The following DNM2 variants were observed in gnomAD, a reference collection of about 807,000 sequenced individuals.
The protein encoded by DNM2 is dynamin-2.
A neutral mutation model predicts 99.0 loss-of-function variants in DNM2; 15 were observed. The ratio of observed to expected loss-of-function variants is 0.15; its 90% CI spans 0.10 to 0.23. The LOEUF (loss-of-function observed/expected upper bound fraction) is 0.23, where lower values mean the gene tolerates loss of function less well. Ranked by LOEUF, DNM2 falls within the 10% of genes least tolerant of loss-of-function variation. The probability of loss-of-function intolerance (pLI) is 1.00; values close to 1 mark genes in which losing one functional copy is unlikely to be tolerated. For synonymous variants in DNM2, 525 were observed against 481.2 expected (o/e 1.09, Z -1.19); for missense variants, 742 against 1,189.4 (o/e 0.62, Z 5.53).
intron 1 of DNM2, among the ~76,000 whole-genome samples, chr19:10,732,418 G>C (rs916095719): frequency 6.6e-6 from 1 of 151,260 alleles, no homozygotes; most frequent in African/African-American, 2.4e-5. Context: ...GACTAACACG[G>C]TGAAACCCCA....
At chr19:10,754,082 C>CT (rs2070299433) in intron 1 of DNM2, among the ~76,000 whole-genome samples, 2 of 152,104 alleles carry the variant, frequency 1.3e-5, no homozygotes, top group South Asian at 4.1e-4. Context: ...CTTTAAAATT[C>CT]TTTGAGATCT....
At chr19:10,822,466 C>G (rs1042802021) in intron 16 of DNM2, among the ~76,000 whole-genome samples, 5 of 152,056 alleles carry the variant, frequency 3.3e-5, no homozygotes, top group Admixed American at 6.5e-5. Context: ...GCAGGAATTA[C>G]AGGTATGAGC....
intron 2 of DNM2, among the ~76,000 whole-genome samples, chr19:10,761,549 G>T (rs967712726): frequency 6.6e-6 from 1 of 152,098 alleles, no homozygotes; most frequent in Non-Finnish European, 1.5e-5. Flanking sequence ...TGCAACATCA[G>T]CTCTGGGCGT....
At chr19:10,797,352 G>A (rs1568306241) in intron 9 of DNM2, 28 bp from the exon 10 acceptor site, 1 of 1,610,536 alleles carries the variant, frequency 6.2e-7, no homozygotes, top group East Asian at 2.2e-5. Context: ...GTGTCTTTCT[G>A]CCTCATCCTG....
At chr19:10,754,164 C>T (rs1191942048) in intron 1 of DNM2, among the ~76,000 whole-genome samples, 1 of 152,110 alleles carries the variant, frequency 6.6e-6, no homozygotes, top group Non-Finnish European at 1.5e-5. Context: ...GGAATGTCCA[C>T]CCTGTACTTT....
At chr19:10,822,153 T>A (rs1021918092) in intron 16 of DNM2, among the ~76,000 whole-genome samples, 1 of 152,134 alleles carries the variant, frequency 6.6e-6, no homozygotes, top group Non-Finnish European at 1.5e-5. Context: ...ATCTCCCAGC[T>A]TTGAGACCCT....
At chr19:10,727,706 G>A (rs1209991051) in intron 1 of DNM2, among the ~76,000 whole-genome samples, 1 of 152,036 alleles carries the variant, frequency 6.6e-6, no homozygotes, top group East Asian at 1.9e-4. Flanking sequence ...TGGCTTAGGC[G>A]GTAGAGGCTG....
chr19:10,786,835 T>C, intron 7 of DNM2, 129 bp downstream of exon 7: 1 of 1,522,958 alleles, frequency 6.6e-7, no homozygotes, highest in Non-Finnish European at 8.9e-7. Flanking sequence ...GCTGCAAGCC[T>C]TCTGCGTGCC....
At chr19:10,733,964 C>T (rs780512844) in intron 1 of DNM2, among the ~76,000 whole-genome samples, 3 of 150,890 alleles carry the variant, frequency 2.0e-5, no homozygotes, top group African/African-American at 7.3e-5. Context: ...GCCGAGATCG[C>T]GCCACTGTAC....
chr19:10,811,616 C>G lies in DNM2; in HGVS notation c.1558-648C>G, dbSNP rs1054425501. The G allele has an allele frequency of 2.2e-6, 1 of 450,058 alleles. No individual in the cohort carries two copies. Among genetic ancestry groups the G allele is most frequent in the Admixed American group, 2.4e-5 (1 of 42,398 alleles). The allele number at this position is 450,058 out of a possible 1,614,324, so 27.9% of individuals were successfully genotyped here. ...GGGCTCTGCCCACACATGCCTCCAG[C>G]GGCCAGGGAGCATGGGAGCACAGCC... On this transcript the variant is annotated intron_variant, in intron 14 of 20. Coordinates refer to ENST00000389253, the MANE Select transcript of DNM2 (RefSeq NM_001005361.3). The surrounding 1 kb of genome is among the most constrained non-coding windows in gnomAD (Gnocchi z 5.4).
chr19:10,744,128 G>A (rs929969022), intron 1 of DNM2, among the ~76,000 whole-genome samples: 2 of 151,980 alleles, frequency 1.3e-5, no homozygotes, highest in South Asian at 2.1e-4. Flanking sequence ...ACTACACTTC[G>A]GCTGGGGTGA....
intron 14 of DNM2, chr19:10,809,589 A>C (rs921083331): frequency 5.2e-5 from 8 of 152,482 alleles, no homozygotes; most frequent in Admixed American, 3.9e-4. Context: ...GCAGCCTGCT[A>C]CTCATAGCTG....
In DNM2 at chr19:10,795,938, G is replaced by A. The variant is rs192199747; in HGVS notation, c.1196+499G>A. The A allele has an allele frequency of 3.6e-4, 552 of 1,542,756 alleles. 3 individuals are homozygous for A. The African/African-American group carries it at 6.9e-3, about 19-fold the overall frequency. ...TTCCGGGCAGTGGACTCAGGCATCC[G>A]ACCCCACACATGACACAACCTTCAT... On this transcript the variant is annotated intron_variant, in intron 9 of 20. Transcript: ENST00000389253. This position sits in a 1 kb window ranked among gnomAD's most constrained non-coding sequence, Gnocchi z 4.2.
intron 18 of DNM2, among the ~76,000 whole-genome samples, chr19:10,828,700 A>C (rs562654692): frequency 1.8e-4 from 28 of 152,292 alleles, no homozygotes; most frequent in African/African-American, 6.7e-4. Flanking sequence ...AAGATACTAG[A>C]AATAAGTTGA....
At chr19:10,738,688 C>A (rs1333094803) in intron 1 of DNM2, among the ~76,000 whole-genome samples, 5 of 151,614 alleles carry the variant, frequency 3.3e-5, no homozygotes, top group Admixed American at 1.3e-4. Context: ...ATGGCAAAAC[C>A]CCATCTCTAT....
intron 1 of DNM2, among the ~76,000 whole-genome samples, chr19:10,728,386 C>T (rs891748169): frequency 1.3e-5 from 2 of 152,070 alleles, no homozygotes; most frequent in African/African-American, 4.8e-5. Context: ...GGATGTGGGC[C>T]CTCTAGAGCC....
chr19:10,732,030 C>T (rs1486879018), intron 1 of DNM2, among the ~76,000 whole-genome samples: 1 of 150,678 alleles, frequency 6.6e-6, no homozygotes, highest in Non-Finnish European at 1.5e-5. Context: ...TCTCGGCTCG[C>T]TGCAACCTCC....
chr19:10,757,970 AAG>A (rs1361532000), intron 1 of DNM2, among the ~76,000 whole-genome samples: 2 of 151,802 alleles, frequency 1.3e-5, no homozygotes, highest in Non-Finnish European at 1.5e-5. Flanking sequence ...AAAAAAGAAA[AAG>A]AAATTCCCTG....
intron 1 of DNM2, among the ~76,000 whole-genome samples, chr19:10,742,366 C>A (rs1247592877): frequency 6.6e-6 from 1 of 152,140 alleles, no homozygotes; most frequent in South Asian, 2.1e-4. Context: ...ATCCTTCACT[C>A]CCACCCCCGT....
Sources: allele counts gnomAD v4.1 joint callset (sites outside exome capture counted in the v4.1 genomes callset), GRCh38; gene constraint gnomAD v4.1.1; non-coding constraint Gnocchi (gnomAD v3.1); transcripts MANE v1.5; gene names NCBI Gene and HGNC (gene_info 2026-07-23, HGNC 2026-07-21).